The following CSMD1 variants were observed in gnomAD, a reference collection of about 807,000 sequenced individuals.
CSMD1 encodes the protein CUB and sushi domain-containing protein 1.
In CSMD1, 213 loss-of-function variants were observed where a neutral mutation model predicts 417.5. That is an observed-to-expected ratio of 0.51 (90% CI 0.46 to 0.57). The LOEUF (loss-of-function observed/expected upper bound fraction) is 0.57. CSMD1 is among the 20% of genes least tolerant of loss of function. The pLI, the probability that CSMD1 is intolerant of heterozygous loss-of-function variation, is 0.00. For missense variants in CSMD1, 6,923 were observed against 4,529.7 expected, an observed-to-expected ratio of 1.53 and a Z score of -15.17; for synonymous variants, 2,862 against 1,736.8, an observed-to-expected ratio of 1.65 and a Z score of -16.11.
intron 1 of CSMD1, among the ~76,000 whole-genome samples, chr8:4,695,503 A>G (rs2116787408): frequency 6.6e-6 from 1 of 152,308 alleles, no homozygotes; most frequent in South Asian, 2.1e-4. Context: ...ATACCCTAAA[A>G]TAAGTTAAAC....
chr8:3,914,691 T>A (rs568148593), intron 5 of CSMD1, among the ~76,000 whole-genome samples: 1 of 152,176 alleles, frequency 6.6e-6, no homozygotes, highest in African/African-American at 2.4e-5. Flanking sequence ...GGTTGTCAAG[T>A]TGAAAGATGT....
chr8:4,373,359 T>C (rs1270982842), intron 3 of CSMD1, among the ~76,000 whole-genome samples: 1 of 152,230 alleles, frequency 6.6e-6, no homozygotes, highest in South Asian at 2.1e-4. Context: ...AACGTGTCAC[T>C]GTTGGTTTAT....
At chr8:4,541,610 T>A (rs1304070672) in intron 2 of CSMD1, among the ~76,000 whole-genome samples, 3 of 152,076 alleles carry the variant, frequency 2.0e-5, no homozygotes, top group Admixed American at 6.6e-5. Context: ...TAGCCGGGCA[T>A]GGTGGCAAGC....
intron 1 of CSMD1, among the ~76,000 whole-genome samples, chr8:4,800,588 G>A (rs900510298): frequency 3.9e-5 from 6 of 152,356 alleles, no homozygotes. Flanking sequence ...AGGCAGAGCA[G>A]GGAAGGACGC....
In CSMD1 at chr8:3,962,712, C is replaced by G. The variant is rs1014907195; in HGVS notation, c.818+35191G>C. On this transcript the variant is annotated intron_variant, in intron 5 of 69. Coordinates refer to ENST00000635120, the MANE Select transcript of CSMD1 (RefSeq NM_033225.6). ...GTGTGGTGCAGAGGTGCGGCCCTTT[C>G]TTGCAGACTCTTCGGGTTGGACTCA... Among the ~76,000 whole-genome samples the G allele has an allele frequency of 3.3e-5, 5 of 152,202 alleles. No individual in the cohort carries two copies. In the South Asian group the frequency reaches 6.2e-4, roughly 19 times the overall value.
intron 1 of CSMD1, among the ~76,000 whole-genome samples, chr8:4,827,037 A>G (rs1370417843): frequency 6.6e-6 from 1 of 152,118 alleles, no homozygotes; most frequent in Non-Finnish European, 1.5e-5. Context: ...GTTTGTATCC[A>G]TGGATGGCTA....
chr8:3,279,632 T>G (rs1169845245), intron 26 of CSMD1, among the ~76,000 whole-genome samples: 1 of 152,168 alleles, frequency 6.6e-6, no homozygotes, highest in Non-Finnish European at 1.5e-5. Context: ...AAAACATACC[T>G]GAGACTGGGT....
At position 2,942,343 on chromosome 8, in the gene CSMD1, A is replaced by T. The variant is rs559892645; in HGVS notation, c.10535+129T>A. 559 of 215,212 alleles carry T rather than the reference A, an allele frequency of 2.6e-3. 3 individuals carry two copies. The South Asian group carries it at 0.047, about 18-fold the overall frequency. The allele number at this position is 215,212 out of a possible 1,614,324, so 13.3% of individuals were successfully genotyped here. A position where few individuals can be genotyped will look rare whatever the true frequency, so the allele number is the denominator to read the frequency against. On this transcript the variant is annotated intron_variant, in intron 69 of 69. Coordinates refer to ENST00000635120, the MANE Select transcript of CSMD1 (RefSeq NM_033225.6). The stretch of plus-strand genomic sequence containing the variant: ...CGGAACTCAAAATAAAAGTTGATTT[A>T]AAAAAAAAAAAAGAACATTGCATAG...
intron 6 of CSMD1, among the ~76,000 whole-genome samples, chr8:3,731,028 T>A (rs1474445261): frequency 6.6e-6 from 1 of 152,188 alleles, no homozygotes; most frequent in African/African-American, 2.4e-5. Flanking sequence ...CAGATACCCA[T>A]CACTCAGCTG....
chr8:4,955,385 T>C (rs749933705), intron 1 of CSMD1, among the ~76,000 whole-genome samples: 2 of 152,100 alleles, frequency 1.3e-5, no homozygotes, highest in South Asian at 2.1e-4. Flanking sequence ...GTGTCTTTCA[T>C]GTGTTGAGAT....
At chr8:4,717,174 G>A (rs1319585772) in intron 1 of CSMD1, among the ~76,000 whole-genome samples, 3 of 151,618 alleles carry the variant, frequency 2.0e-5, no homozygotes, top group African/African-American at 4.9e-5. Context: ...ATATTTGGGA[G>A]TCAGGAGAAA....
At position 4,292,930 on chromosome 8, in the gene CSMD1, C is replaced by G. The variant is rs539481919; in HGVS notation, c.415+127023G>C. Among the ~76,000 whole-genome samples the G allele has an allele frequency of 2.6e-5, 4 of 152,244 alleles. No homozygotes were observed. The South Asian group carries it at 8.3e-4, about 32-fold the overall frequency. On this transcript the variant is annotated intron_variant, in intron 3 of 69. Transcript: ENST00000635120. Reference sequence around the variant, plus strand: ...TCTGCAAATTCATGGATAGTATTAACAGAAACCAACAAGGGACCCACAAAG... The same window carrying G: ...TCTGCAAATTCATGGATAGTATTAAGAGAAACCAACAAGGGACCCACAAAG...
In CSMD1 at chr8:4,355,092, C is replaced by G. The variant is rs375426435; in HGVS notation, c.415+64861G>C. On this transcript the variant is annotated intron_variant, in intron 3 of 69. Coordinates refer to ENST00000635120, the MANE Select transcript of CSMD1 (RefSeq NM_033225.6). ...CCTGGCTAACATGGTGAAACCCCGT[C>G]TCTACTAAAAAGACAAAAAATTAGC... Among the ~76,000 whole-genome samples the G allele has an allele frequency of 6.2e-4, 94 of 151,952 alleles. 2 individuals carry two copies. The East Asian group carries it at 0.015, about 24-fold the overall frequency.
At chr8:3,301,486 G>A (rs922390633) in intron 25 of CSMD1, among the ~76,000 whole-genome samples, 5 of 152,050 alleles carry the variant, frequency 3.3e-5, no homozygotes, top group Admixed American at 2.6e-4. Context: ...ATGAGATCAG[G>A]GAACAACACA....
At chr8:4,772,666 G>C (rs1027491595) in intron 1 of CSMD1, among the ~76,000 whole-genome samples, 1 of 152,128 alleles carries the variant, frequency 6.6e-6, no homozygotes, top group South Asian at 2.1e-4. Flanking sequence ...GTACAGAAAA[G>C]AAGCCATAAA....
intron 44 of CSMD1, among the ~76,000 whole-genome samples, chr8:3,108,360 C>T (rs1816283939): frequency 6.6e-6 from 1 of 152,162 alleles, no homozygotes; most frequent in African/African-American, 2.4e-5. Context: ...TGGTCTTCAT[C>T]TTAGAGTTTC....
At chr8:4,149,419 T>C (rs981808557) in intron 3 of CSMD1, among the ~76,000 whole-genome samples, 4 of 152,208 alleles carry the variant, frequency 2.6e-5, no homozygotes, top group Non-Finnish European at 5.9e-5. Flanking sequence ...CTCTGAGCAA[T>C]ATTTGAACGG....
intron 2 of CSMD1, among the ~76,000 whole-genome samples, chr8:4,490,628 G>A (rs1283086256): frequency 6.6e-6 from 1 of 152,108 alleles, no homozygotes; most frequent in Non-Finnish European, 1.5e-5. Flanking sequence ...AATCAGGAGA[G>A]GGAAAAATGC....
At chr8:4,566,895 C>CAAGGAGAAAAACTCAATTTAGG (rs1554514087) in intron 2 of CSMD1, among the ~76,000 whole-genome samples, 12 of 151,306 alleles carry the variant, frequency 7.9e-5, no homozygotes, top group Non-Finnish European at 1.6e-4. Context: ...TGTTTTCCAG[C>CAAGGAGAAAAACTCAATTTAGG]AATGAGAAAA....
Sources: allele counts gnomAD v4.1 joint callset (sites outside exome capture counted in the v4.1 genomes callset), GRCh38; gene constraint gnomAD v4.1.1; transcripts MANE v1.5; gene names NCBI Gene and HGNC (gene_info 2026-07-23, HGNC 2026-07-21).